MYH10: variants seen among roughly 807,000 people sequenced by gnomAD.
MYH10 encodes myosin-10.
In MYH10, 55 loss-of-function variants were observed where a neutral mutation model predicts 257.8. That is an observed-to-expected ratio of 0.21 (90% CI 0.17 to 0.27). The LOEUF (loss-of-function observed/expected upper bound fraction) is 0.27, where lower values mean the gene tolerates loss of function less well. MYH10 is among the 10% of genes least tolerant of loss of function. The pLI is 1.00. For synonymous variants in MYH10, 854 were observed against 921.7 expected (o/e 0.93, Z 1.33); for missense variants, 1,631 against 2,500.6 (o/e 0.65, Z 7.42).
chr17:8,476,058 G>A lies in MYH10; in HGVS notation c.5880-110C>T, dbSNP rs188513715. 1.4e-4 allele frequency: 171 copies of A among 1,264,336 alleles called. No individual in the cohort carries two copies. In the African/African-American group the frequency reaches 2.2e-3, roughly 17 times the overall value. The allele number at this position is 1,264,336 out of a possible 1,614,324, so 78.3% of individuals were successfully genotyped here. A position where few individuals can be genotyped will look rare whatever the true frequency, so the allele number is the denominator to read the frequency against. On this transcript the variant is annotated intron_variant, in intron 42 of 42. Coordinates refer to ENST00000360416, the MANE Select transcript of MYH10 (RefSeq NM_001256012.3). ...AACCTTCCCCTTGCACCCCCTCCTC[G>A]GACACACGACCTTGTGGGGGTGGCG...
intron 7 of MYH10, among the ~76,000 whole-genome samples, chr17:8,556,227 A>T (rs2082789812): frequency 6.6e-6 from 1 of 152,214 alleles, no homozygotes; most frequent in Non-Finnish European, 1.5e-5. Context: ...GGCGTCAAAC[A>T]CAGATTACTC....
At chr17:8,487,824 G>A (rs1567781300) in intron 35 of MYH10, among the ~76,000 whole-genome samples, 3 of 152,182 alleles carry the variant, frequency 2.0e-5, no homozygotes, top group Non-Finnish European at 4.4e-5. Context: ...CCCACTGACT[G>A]CTACGAGGGC....
intron 24 of MYH10, chr17:8,511,007 A>C (rs1299400385): frequency 7.2e-6 from 1 of 138,624 alleles, no homozygotes; most frequent in East Asian, 2.2e-4. Context: ...AAAACATCTC[A>C]TGTACCCCAT....
chr17:8,523,762 A>G (rs1186728655), intron 17 of MYH10, among the ~76,000 whole-genome samples: 2 of 152,204 alleles, frequency 1.3e-5, no homozygotes, highest in Non-Finnish European at 2.9e-5. Flanking sequence ...ATCGAGAAGG[A>G]AGATTCAACA....
At chr17:8,555,812 C>T (rs1461218101) in intron 7 of MYH10, among the ~76,000 whole-genome samples, 1 of 152,102 alleles carries the variant, frequency 6.6e-6, no homozygotes, top group Non-Finnish European at 1.5e-5. Flanking sequence ...AAATTTAAAA[C>T]TTTTATTCTT....
intron 7 of MYH10, among the ~76,000 whole-genome samples, chr17:8,564,694 G>GA (rs943165413): frequency 2.6e-5 from 4 of 152,138 alleles, no homozygotes; most frequent in African/African-American, 9.7e-5. Flanking sequence ...TTCAGTAAAT[G>GA]AATTCCATAA....
At chr17:8,609,785 G>T (rs1013601054) in intron 2 of MYH10, among the ~76,000 whole-genome samples, 1 of 151,792 alleles carries the variant, frequency 6.6e-6, no homozygotes, top group Non-Finnish European at 1.5e-5. Flanking sequence ...AATAATAAAA[G>T]AAAATGACGT....
rs2085830050 is a variant in MYH10, at chr17:8,629,746, TC to T, written c.-32+907del. On this transcript the variant is annotated intron_variant, in intron 1 of 42. Coordinates refer to ENST00000360416, the MANE Select transcript of MYH10 (RefSeq NM_001256012.3). ...GGGATCCCGAGGCGAGTGCTGACCCTCCCCCCGGCCGTCCTGCTGCAGCGCG... is the reference window on the plus strand; with the variant it reads ...GGGATCCCGAGGCGAGTGCTGACCCTCCCCCGGCCGTCCTGCTGCAGCGCG... Among the ~76,000 whole-genome samples the T allele has an allele frequency of 2.6e-5, 4 of 151,258 alleles. No homozygotes were observed. In the South Asian group the frequency reaches 8.3e-4, roughly 32 times the overall value.
Position 8,504,035 on chromosome 17 carries a change from C to T in MYH10, c.3599+659G>A, listed in dbSNP as rs2080993499. On this transcript the variant is annotated intron_variant, in intron 28 of 42. Transcript: ENST00000360416. This position sits in a 1 kb window ranked among gnomAD's most constrained non-coding sequence, Gnocchi z 5.6. ...CCGCAGGCCAGCACCTCCAGGCCTG[C>T]GTACCGGCTCACTGCTAAGGCTCTC... is the stretch of plus-strand genomic sequence containing the variant. Among the ~76,000 whole-genome samples the T allele has an allele frequency of 6.6e-6, 1 of 152,188 alleles. No homozygotes were observed. The highest frequency in any genetic ancestry group is 1.5e-5 in the Non-Finnish European group (1 of 68,026).
chr17:8,612,461 CTTACATAACT>C (rs2085078153), intron 2 of MYH10, among the ~76,000 whole-genome samples: 1 of 152,210 alleles, frequency 6.6e-6, no homozygotes, highest in African/African-American at 2.4e-5. Flanking sequence ...AGAGAAACCA[CTTACATAACT>C]TTTATTAAGT....
chr17:8,481,495 C>T, intron 37 of MYH10, 85 bp from the exon 38 acceptor site: 1 of 1,199,184 alleles, frequency 8.3e-7, no homozygotes, highest in Non-Finnish European at 1.2e-6. Flanking sequence ...CTACAGCGAC[C>T]TTGCTCCTGT....
Position 8,504,394 on chromosome 17 carries a change from C to CT in MYH10, c.3599+299dup, listed in dbSNP as rs2081006285. On this transcript the variant is annotated intron_variant, in intron 28 of 42. Transcript: ENST00000360416. This position sits in a 1 kb window ranked among gnomAD's most constrained non-coding sequence, Gnocchi z 5.6. ...TATCTAAATCTCTTTTCACTGCCCC[C>CT]TGCTCTGTGTAGTTGTCACTCTCTC... is the stretch of plus-strand genomic sequence containing the variant. 6.6e-6 allele frequency among the ~76,000 whole-genome samples: 1 copy of CT among 152,168 alleles called. No individual in the cohort carries two copies. Among genetic ancestry groups the CT allele is most frequent in the Non-Finnish European group, 1.5e-5 (1 of 68,036 alleles).
At chr17:8,595,946 C>T (rs943570781) in intron 3 of MYH10, among the ~76,000 whole-genome samples, 1 of 152,118 alleles carries the variant, frequency 6.6e-6, no homozygotes, top group Non-Finnish European at 1.5e-5. Flanking sequence ...CTACTTTAGG[C>T]TGAAGTGACT....
intron 7 of MYH10, among the ~76,000 whole-genome samples, chr17:8,561,758 G>T (rs1352771716): frequency 6.6e-6 from 1 of 152,022 alleles, no homozygotes; most frequent in Non-Finnish European, 1.5e-5. Flanking sequence ...TCACCAACAT[G>T]CAACACTCTA....
intron 30 of MYH10, among the ~76,000 whole-genome samples, chr17:8,496,115 A>G (rs1322448109): frequency 6.6e-6 from 1 of 152,198 alleles, no homozygotes; most frequent in Non-Finnish European, 1.5e-5. Context: ...CTTCGCAATT[A>G]ATGATATTTC....
chr17:8,536,790 C>T (rs1240851560), intron 14 of MYH10, among the ~76,000 whole-genome samples: 3 of 131,620 alleles, frequency 2.3e-5, no homozygotes, highest in Non-Finnish European at 4.8e-5. Context: ...CAGAGCAAGA[C>T]TCTGTCTCAA....
At chr17:8,622,866 TACC>T in intron 2 of MYH10, 33 bp downstream of exon 2, 1 of 1,597,582 alleles carries the variant, frequency 6.3e-7, no homozygotes, top group African/African-American at 1.3e-5. Flanking sequence ...AATTCCTAGC[TACC>T]ACTTCACATG....
In MYH10 at chr17:8,480,101, A is replaced by T; in HGVS notation, c.5597+9T>A. The T allele has an allele frequency of 6.2e-7, 1 of 1,613,510 alleles. No homozygotes were observed. The highest frequency in any genetic ancestry group is 8.5e-7 in the Non-Finnish European group (1 of 1,179,748). Reference sequence around the variant, plus strand: ...TAAGTTTTGGTTTACGGTAGCAAAAACCTCTTACTTGGCTTCCTGCTCAAG... The same window carrying T: ...TAAGTTTTGGTTTACGGTAGCAAAATCCTCTTACTTGGCTTCCTGCTCAAG... On this transcript the variant is annotated intron_variant, in intron 40 of 42. Coordinates refer to ENST00000360416, the MANE Select transcript of MYH10 (RefSeq NM_001256012.3).
At chr17:8,495,396 T>C (rs371706241) in intron 30 of MYH10, among the ~76,000 whole-genome samples, 155 bp from the exon 31 acceptor site, 18 of 152,070 alleles carry the variant, frequency 1.2e-4, no homozygotes, top group East Asian at 9.6e-4. Flanking sequence ...CAAGAGTCTG[T>C]TGCCTTCAAA....
Sources: allele counts gnomAD v4.1 joint callset (sites outside exome capture counted in the v4.1 genomes callset), GRCh38; gene constraint gnomAD v4.1.1; non-coding constraint Gnocchi (gnomAD v3.1); transcripts MANE v1.5; gene names NCBI Gene and HGNC (gene_info 2026-07-23, HGNC 2026-07-21).